Variants in TECRL observed in about 807,000 individuals in gnomAD.
TECRL encodes trans-2,3-enoyl-CoA reductase-like.
Under a neutral mutation model 52.8 loss-of-function variants are expected in TECRL, and 63 were observed. That is an observed-to-expected ratio of 1.19 (90% CI 0.97 to 1.47). The LOEUF is 1.47. Ranked by LOEUF, TECRL falls within the 40% of genes most tolerant of loss-of-function variation. The probability of loss-of-function intolerance (pLI) is 0.00; values close to 1 mark genes in which losing one functional copy is unlikely to be tolerated. For synonymous variants in TECRL, 164 were observed against 141.9 expected (o/e 1.16, Z -1.10); for missense variants, 482 against 429.6 (o/e 1.12, Z -1.08).
chr4:64,305,495 G>A (rs1724278444), intron 6 of TECRL, among the ~76,000 whole-genome samples: 1 of 152,144 alleles, frequency 6.6e-6, no homozygotes, highest in African/African-American at 2.4e-5. Flanking sequence ...GGTCTCAGAA[G>A]AGGGCCAACA....
chr4:64,333,500 C>CA (rs1352459392), intron 2 of TECRL, among the ~76,000 whole-genome samples: 8 of 151,884 alleles, frequency 5.3e-5, no homozygotes, highest in Admixed American at 1.3e-4. Flanking sequence ...TAATTCTATA[C>CA]AAAAAAGCAG....
At chr4:64,289,844 A>G (rs901247211) in intron 8 of TECRL, 77 bp from the exon 9 acceptor site, 17 of 912,408 alleles carry the variant, frequency 1.9e-5, no homozygotes, top group Non-Finnish European at 2.7e-5. Flanking sequence ...AGAGTTATAT[A>G]AAATCTGTGT....
chr4:64,317,609 T>C (rs974276384), intron 4 of TECRL, among the ~76,000 whole-genome samples: 1 of 152,232 alleles, frequency 6.6e-6, no homozygotes, highest in African/African-American at 2.4e-5. Flanking sequence ...TAAGATCACT[T>C]TGTACTTAAT....
intron 4 of TECRL, among the ~76,000 whole-genome samples, chr4:64,318,955 G>A (rs1717696253): frequency 6.6e-6 from 1 of 151,804 alleles, no homozygotes; most frequent in Non-Finnish European, 1.5e-5. Flanking sequence ...AAGATATATG[G>A]AAAATTATAT....
chr4:64,357,237 T>C (rs1051959887), intron 2 of TECRL, among the ~76,000 whole-genome samples: 6 of 151,938 alleles, frequency 3.9e-5, no homozygotes, highest in African/African-American at 7.2e-5. Flanking sequence ...AAATAAGTCA[T>C]GGAAAGATAA....
intron 1 of TECRL, among the ~76,000 whole-genome samples, chr4:64,398,379 C>A (rs766094403): frequency 3.0e-4 from 45 of 152,122 alleles, no homozygotes; most frequent in Non-Finnish European, 4.7e-4. Flanking sequence ...TCAGATTTCT[C>A]GTGAATGATT....
At chr4:64,337,642 C>A (rs180984634) in intron 2 of TECRL, among the ~76,000 whole-genome samples, 1 of 152,010 alleles carries the variant, frequency 6.6e-6, no homozygotes, top group Non-Finnish European at 1.5e-5. Context: ...AACAGACAAA[C>A]GGAGAGCCAA....
chr4:64,364,483 A>T (rs1220258110), intron 2 of TECRL, among the ~76,000 whole-genome samples: 1 of 151,684 alleles, frequency 6.6e-6, no homozygotes, highest in Non-Finnish European at 1.5e-5. Flanking sequence ...TTATTTTTTA[A>T]AATAATAAAT....
intron 3 of TECRL, among the ~76,000 whole-genome samples, chr4:64,323,121 C>A (rs1164489286): frequency 6.6e-6 from 1 of 151,770 alleles, no homozygotes; most frequent in East Asian, 1.9e-4. Context: ...AATTTTAGGA[C>A]AGGTGTGAAG....
Position 64,322,711 on chromosome 4 carries a change from C to T in TECRL, c.413G>A (p.Gly138Asp), listed in dbSNP as rs763643947. 18 of 1,606,622 alleles carry T rather than the reference C, an allele frequency of 1.1e-5. No individual in the cohort carries two copies. In the South Asian group the frequency reaches 2.0e-4, roughly 18 times the overall value. Residue 138 changes from glycine (G) to aspartate (D), a missense_variant, in exon 4 of 12, where the codon GGT (glycine) becomes GAT (aspartate). Coordinates refer to ENST00000381210, the MANE Select transcript of TECRL (RefSeq NM_001010874.5). Reference protein sequence around the residue: ...SIVTLYATDLGQQVSWTTVFL... With the variant: ...SIVTLYATDLDQQVSWTTVFL... ...TACTGTGGTCCAACTGACTTGTTGA[C>T]CTAGGTCTGTAGCATACAGTGTGAC...
chr4:64,353,033 T>C (rs1213261497), intron 2 of TECRL, among the ~76,000 whole-genome samples: 1 of 152,230 alleles, frequency 6.6e-6, no homozygotes, highest in Non-Finnish European at 1.5e-5. Context: ...ACTTTGTTTC[T>C]AAATCACAAA....
Position 64,280,109 on chromosome 4 carries a change from A to G in TECRL, c.1055T>C (p.Ile352Thr). The change falls in exon 12 of 12, where the codon ATT becomes ACT. Residue 352 changes from isoleucine to threonine, a missense_variant. Physicochemically the swap from Ile to Thr is moderately conservative, Grantham distance 89 (BLOSUM62 -1). Transcript: ENST00000381210. The part of the protein sequence containing the change: ...KIYLRKFNSY[I>T]HRKSAMIPFI... ...TGGAATCATTGCTGATTTTCTATGA[A>G]TATATGAATTGAATTTTCTCAGATA... 1 of 1,602,322 alleles carries G rather than the reference A, an allele frequency of 6.2e-7. No homozygotes were observed. Among genetic ancestry groups the G allele is most frequent in the Non-Finnish European group, 8.5e-7 (1 of 1,175,074 alleles).
At chr4:64,404,624 C>T (rs986752559) in intron 1 of TECRL, among the ~76,000 whole-genome samples, 2 of 152,018 alleles carry the variant, frequency 1.3e-5, no homozygotes, top group African/African-American at 4.8e-5. Flanking sequence ...ATATTCCCAT[C>T]TGCTTTATGA....
chr4:64,316,166 A>G (rs1212468391), intron 4 of TECRL, among the ~76,000 whole-genome samples: 3 of 152,156 alleles, frequency 2.0e-5, no homozygotes, highest in Non-Finnish European at 2.9e-5. Flanking sequence ...CTCTAAGAAT[A>G]TATCAGGAAT....
intron 1 of TECRL, among the ~76,000 whole-genome samples, chr4:64,408,194 C>T (rs1243644843): frequency 1.3e-5 from 2 of 151,748 alleles, no homozygotes; most frequent in African/African-American, 4.8e-5. Flanking sequence ...AAGGACTAAA[C>T]AGCTTCTTTT....
chr4:64,319,877 G>A (rs184484045), intron 4 of TECRL, among the ~76,000 whole-genome samples: 3 of 151,998 alleles, frequency 2.0e-5, no homozygotes, highest in Non-Finnish European at 4.4e-5. Flanking sequence ...TCCTTTTATA[G>A]AGCATTTTCC....
chr4:64,289,519 A>T (rs1328423606), intron 9 of TECRL, among the ~76,000 whole-genome samples, 191 bp downstream of exon 9: 1 of 152,108 alleles, frequency 6.6e-6, no homozygotes, highest in African/African-American at 2.4e-5. Flanking sequence ...ACTTCATTTT[A>T]GAGAAATCAT....
At chr4:64,397,898 A>ATGGGTG (rs1553922181) in intron 1 of TECRL, 1 of 150,080 alleles carries the variant, frequency 6.7e-6, no homozygotes, top group Non-Finnish European at 1.5e-5. Context: ...GGAAAGAAAT[A>ATGGGTG]TGTGTGTGTG....
chr4:64,291,109 T>A (rs1723359447), intron 8 of TECRL, among the ~76,000 whole-genome samples: 1 of 152,106 alleles, frequency 6.6e-6, no homozygotes, highest in Admixed American at 6.6e-5. Flanking sequence ...TTACTATGTA[T>A]GAGAGATTTA....
Sources: gnomAD v4.1 joint callset for allele counts (sites outside exome capture counted in the v4.1 genomes callset) on GRCh38, gnomAD v4.1.1 for gene constraint, MANE v1.5 for transcripts, NCBI Gene and HGNC (gene_info 2026-07-23, HGNC 2026-07-21) for gene names.